GTPBP10: variants seen among roughly 807,000 people sequenced by gnomAD.
The protein encoded by GTPBP10 is GTP-binding protein 10.
Under a neutral mutation model 44.8 loss-of-function variants are expected in GTPBP10, and 38 were observed. That is an observed-to-expected ratio of 0.85 (90% CI 0.65 to 1.11). GTPBP10 has a LOEUF of 1.11. GTPBP10 is among the 50% of genes most tolerant of loss of function. The pLI, the probability that GTPBP10 is intolerant of heterozygous loss-of-function variation, is 0.00. For missense variants in GTPBP10, 462 were observed against 453.7 expected, an observed-to-expected ratio of 1.02 and a Z score of -0.17; for synonymous variants, 152 against 150.6, an observed-to-expected ratio of 1.01 and a Z score of -0.07.
chr7:90,378,238 G>C (rs200912055), intron 8 of GTPBP10, 27 bp downstream of exon 8: 402 of 1,591,394 alleles, frequency 2.5e-4, no homozygotes, highest in Non-Finnish European at 3.2e-4. Flanking sequence ...ACTGTGTTCT[G>C]TATTTGGTCT....
chr7:90,370,821 T>C (rs113645191), intron 4 of GTPBP10, among the ~76,000 whole-genome samples: 2,338 of 152,134 alleles, frequency 0.015, 57 homozygotes, highest in African/African-American at 0.052. Context: ...CTGGCTAATA[T>C]GGTGAAACCC....
At position 90,386,757 on chromosome 7, in the gene GTPBP10, CTGAG is replaced by C. The variant is rs1796531846; in HGVS notation, c.*1606_*1609del. Reference sequence around the variant, plus strand: ...GAGATTGCAATTTCTAAGTTTCTACCTGAGTGTTTCACAAATACAAACTGGACAT... The same window carrying C: ...GAGATTGCAATTTCTAAGTTTCTACCTGTTTCACAAATACAAACTGGACAT... On this transcript the variant is annotated 3_prime_UTR_variant, in exon 10 of 10. Coordinates refer to ENST00000222511, the MANE Select transcript of GTPBP10 (RefSeq NM_033107.4). The C allele has an allele frequency of 6.6e-6, 1 of 152,130 alleles. No homozygotes were observed. The highest frequency in any genetic ancestry group is 1.9e-4 in the East Asian group (1 of 5,194). The allele number at this position is 152,130 out of a possible 1,614,324, so 9.4% of individuals were successfully genotyped here. A position where few individuals can be genotyped will look rare whatever the true frequency, so the allele number is the denominator to read the frequency against.
rs1008202999 is a variant in GTPBP10 at position 90,346,865 on chromosome 7, C to T, written c.33+91C>T. 7.8e-6 allele frequency: 11 copies of T among 1,414,406 alleles called. No homozygotes were observed. The African/African-American group carries it at 8.5e-5, about 11-fold the overall frequency. 87.6% of individuals were successfully genotyped at this position (1,414,406 alleles called of 1,614,324 possible). A position where few individuals can be genotyped will look rare whatever the true frequency, so the allele number is the denominator to read the frequency against. On this transcript the variant is annotated intron_variant, in intron 1 of 9. Transcript: ENST00000222511. ...TGTCTCTCCACTACTGTCTTCGTGGCGGCCTTTTCCTTGCTTGGTTTTCCC... is the reference window on the plus strand; with the variant it reads ...TGTCTCTCCACTACTGTCTTCGTGGTGGCCTTTTCCTTGCTTGGTTTTCCC...
chr7:90,349,970 G>A (rs1252880355), intron 1 of GTPBP10, among the ~76,000 whole-genome samples: 1 of 151,270 alleles, frequency 6.6e-6, no homozygotes, highest in Non-Finnish European at 1.5e-5. Flanking sequence ...TGTACACAGC[G>A]TGCAGGTTTG....
chr7:90,351,529 A>G (rs930355055), intron 1 of GTPBP10, among the ~76,000 whole-genome samples: 11 of 152,342 alleles, frequency 7.2e-5, no homozygotes, highest in Admixed American at 4.6e-4. Context: ...AATTTTTTCA[A>G]TATTTCCAAT....
At chr7:90,354,179 G>T (rs987658527) in intron 2 of GTPBP10, among the ~76,000 whole-genome samples, 1 of 151,984 alleles carries the variant, frequency 6.6e-6, no homozygotes, top group Non-Finnish European at 1.5e-5. Flanking sequence ...TCATTTCATG[G>T]TTGCAATATT....
chr7:90,366,228 TTTG>T (rs547372347), intron 4 of GTPBP10, among the ~76,000 whole-genome samples: 31 of 151,948 alleles, frequency 2.0e-4, no homozygotes, highest in Middle Eastern at 3.4e-3. Flanking sequence ...GAATTCTCTT[TTTG>T]TTGTTGTTGT....
rs1176742314 is a variant in GTPBP10, at chr7:90,359,885, G to A, written c.464+4655G>A. ...TTGTGGTTTTGATTTGCATTTGACG[G>A]CCAGTGATGATGAGCATTTTTTCAT... On this transcript the variant is annotated intron_variant, in intron 4 of 9. Coordinates refer to ENST00000222511, the MANE Select transcript of GTPBP10 (RefSeq NM_033107.4). Among the ~76,000 whole-genome samples the A allele has an allele frequency of 2.0e-5, 3 of 152,100 alleles. No individual in the cohort carries two copies. The East Asian group carries it at 5.8e-4, about 29-fold the overall frequency.
chr7:90,377,450 T>A, intron 6 of GTPBP10, 57 bp from the exon 7 acceptor site: 1 of 1,173,116 alleles, frequency 8.5e-7, no homozygotes, highest in South Asian at 1.4e-5. Flanking sequence ...GGGATGTAAT[T>A]GAACTTGCGG....
At chr7:90,364,572 G>A (rs968190749) in intron 4 of GTPBP10, among the ~76,000 whole-genome samples, 5 of 152,286 alleles carry the variant, frequency 3.3e-5, no homozygotes, top group South Asian at 2.1e-4. Context: ...TAGGCTACTC[G>A]GGGATCAGGG....
chr7:90,349,855 A>G (rs1795753103), intron 1 of GTPBP10, among the ~76,000 whole-genome samples: 2 of 152,000 alleles, frequency 1.3e-5, no homozygotes, highest in South Asian at 4.2e-4. Flanking sequence ...GCTGCCTCTT[A>G]GTTGGCAGAA....
intron 1 of GTPBP10, among the ~76,000 whole-genome samples, chr7:90,351,266 T>G (rs1584626237): frequency 6.6e-6 from 1 of 152,242 alleles, no homozygotes; most frequent in Non-Finnish European, 1.5e-5. Flanking sequence ...GTGTAAGTTT[T>G]GATAAATTTT....
intron 8 of GTPBP10, among the ~76,000 whole-genome samples, chr7:90,380,627 A>G (rs1182638259): frequency 1.3e-5 from 2 of 152,226 alleles, no homozygotes; most frequent in Admixed American, 6.5e-5. Context: ...AACATGATCC[A>G]TCATCTTACA....
Position 90,385,086 on chromosome 7 carries a change from G to GAT in GTPBP10, c.1098_1099dup (p.Thr367IlefsTer21). The stretch of plus-strand genomic sequence containing the variant: ...ACAGTTGCTTAATTTGTGGATTTCT[G>GAT]ATACAATGTCTTCTACTGAGCCACC... On this transcript the variant is annotated frameshift_variant, in exon 10 of 10. Transcript: ENST00000222511. LOFTEE classifies it high-confidence loss of function. The GAT allele has an allele frequency of 6.2e-7, 1 of 1,613,302 alleles. No individual in the cohort carries two copies. The highest frequency in any genetic ancestry group is 8.5e-7 in the Non-Finnish European group (1 of 1,179,392).
Position 90,352,920 on chromosome 7 carries a change from G to T in GTPBP10, c.138G>T (p.Trp46Cys). ...AAGGTGGAAAAGGTGGTGATGTCTG[G>T]GTTGTAGCCCAGAACAGAATGACTT... Reference protein sequence around the residue: ...GGEGGKGGDVWVVAQNRMTLK... With the variant: ...GGEGGKGGDVCVVAQNRMTLK... The change falls in exon 2 of 10, where the codon TGG becomes TGT. Residue 46 changes from tryptophan to cysteine, a missense_variant. Transcript: ENST00000222511. The T allele has an allele frequency of 6.2e-7, 1 of 1,613,934 alleles. No individual in the cohort carries two copies. The highest frequency in any genetic ancestry group is 8.5e-7 in the Non-Finnish European group (1 of 1,179,938).
At chr7:90,367,245 A>G (rs1026800592) in intron 4 of GTPBP10, among the ~76,000 whole-genome samples, 1 of 152,146 alleles carries the variant, frequency 6.6e-6, no homozygotes, top group African/African-American at 2.4e-5. Context: ...ATATGCTGAG[A>G]AGAATATATA....
chr7:90,351,596 A>G (rs1377103496), intron 1 of GTPBP10, among the ~76,000 whole-genome samples: 2 of 152,220 alleles, frequency 1.3e-5, no homozygotes, highest in African/African-American at 4.8e-5. Flanking sequence ...TTTTTCTAAT[A>G]TATTTATTGA....
At position 90,391,421 on chromosome 7, in the gene GTPBP10, T is replaced by G. The variant is rs1410378609; in HGVS notation, c.*6267T>G. 6.6e-6 allele frequency: 1 copy of G among 152,154 alleles called. No homozygotes were observed. The highest frequency in any genetic ancestry group is 1.5e-5 in the Non-Finnish European group (1 of 68,034). The allele number at this position is 152,154 out of a possible 1,614,324, so 9.4% of individuals were successfully genotyped here. On this transcript the variant is annotated 3_prime_UTR_variant, in exon 10 of 10. Transcript: ENST00000222511. ...ATTAAAAATATTAAATTGGGCCAAT[T>G]AATATATTGTAATAAAAGCTATGTT...
intron 8 of GTPBP10, among the ~76,000 whole-genome samples, chr7:90,380,371 C>G (rs988599894): frequency 6.6e-6 from 1 of 152,104 alleles, no homozygotes; most frequent in Non-Finnish European, 1.5e-5. Context: ...AGCCACCATG[C>G]CCAGCTGGAA....
Sources: gnomAD v4.1 joint callset for allele counts (sites outside exome capture counted in the v4.1 genomes callset) on GRCh38, gnomAD v4.1.1 for gene constraint, MANE v1.5 for transcripts, NCBI Gene and HGNC (gene_info 2026-07-23, HGNC 2026-07-21) for gene names.